Variants in RORA observed in about 807,000 individuals in gnomAD.
RORA encodes the protein nuclear receptor ROR-alpha.
A neutral mutation model predicts 69.5 loss-of-function variants in RORA; 7 were observed. That is an observed-to-expected ratio of 0.10 (90% CI 0.06 to 0.19). RORA has a LOEUF of 0.19. RORA is among the 10% of genes least tolerant of loss of function. The probability of loss-of-function intolerance (pLI) is 1.00; values close to 1 mark genes in which losing one functional copy is unlikely to be tolerated. For synonymous variants in RORA, 261 were observed against 240.8 expected (o/e 1.08, Z -0.78); for missense variants, 457 against 663.0 (o/e 0.69, Z 3.41).
chr15:61,157,849 A>T (rs1432636052), intron 1 of RORA, among the ~76,000 whole-genome samples: 1 of 152,238 alleles, frequency 6.6e-6, no homozygotes. Context: ...AAACAAACCC[A>T]GCATTGGGAT....
intron 1 of RORA, among the ~76,000 whole-genome samples, chr15:60,987,954 T>C (rs1004980767): frequency 6.6e-6 from 1 of 152,204 alleles, no homozygotes; most frequent in African/African-American, 2.4e-5. Context: ...TACTGATTGA[T>C]GGGCTGGATC....
chr15:60,894,311 G>C lies in RORA; in HGVS notation c.167-215625C>G, dbSNP rs994067786. On this transcript the variant is annotated intron_variant, in intron 1 of 10. Transcript: ENST00000335670. ...TTTAAAATGCAATATGTTAATGCTT[G>C]TCCAGAGTTTTGTACACTTTCGTGA... Among the ~76,000 whole-genome samples the C allele has an allele frequency of 3.9e-5, 6 of 152,334 alleles. No homozygotes were observed. The East Asian group carries it at 9.6e-4, about 24-fold the overall frequency.
intron 1 of RORA, among the ~76,000 whole-genome samples, chr15:60,920,586 G>A (rs957214371): frequency 6.6e-6 from 1 of 152,184 alleles, no homozygotes; most frequent in Non-Finnish European, 1.5e-5. Context: ...TATGACAGAT[G>A]TGGATTACCA....
At chr15:61,014,085 G>A (rs564294732) in intron 1 of RORA, among the ~76,000 whole-genome samples, 2 of 152,230 alleles carry the variant, frequency 1.3e-5, no homozygotes, top group South Asian at 2.1e-4. Context: ...ACCCGGCCGG[G>A]TTGGCTTTTT....
chr15:60,760,132 G>A (rs573907957), intron 1 of RORA, among the ~76,000 whole-genome samples: 13 of 150,868 alleles, frequency 8.6e-5, no homozygotes, highest in Non-Finnish European at 1.8e-4. Flanking sequence ...AGCTCTCTGA[G>A]CTTTAAAATA....
chr15:61,100,221 C>A (rs1316343176), intron 1 of RORA, among the ~76,000 whole-genome samples: 1 of 150,846 alleles, frequency 6.6e-6, no homozygotes, highest in Non-Finnish European at 1.5e-5. Flanking sequence ...CGGGTTCCAG[C>A]GATTCTCCTG....
chr15:61,092,836 T>C (rs1169170251), intron 1 of RORA, among the ~76,000 whole-genome samples: 1 of 152,230 alleles, frequency 6.6e-6, no homozygotes, highest in Non-Finnish European at 1.5e-5. Context: ...AGATATCATC[T>C]GAGGCTTTGA....
At chr15:60,909,925 A>T (rs1309869969) in intron 1 of RORA, among the ~76,000 whole-genome samples, 1 of 152,114 alleles carries the variant, frequency 6.6e-6, no homozygotes, top group African/African-American at 2.4e-5. Context: ...CTAACCCTTT[A>T]CCACGGAGGT....
chr15:60,737,321 A>G (rs902132974), intron 1 of RORA, among the ~76,000 whole-genome samples: 8 of 152,178 alleles, frequency 5.3e-5, no homozygotes, highest in African/African-American at 9.7e-5. Context: ...GACAATTCCT[A>G]TGTCTAAAAT....
At chr15:60,625,013 A>G (rs1372654060) in intron 2 of RORA, among the ~76,000 whole-genome samples, 1 of 152,220 alleles carries the variant, frequency 6.6e-6, no homozygotes, top group Non-Finnish European at 1.5e-5. Flanking sequence ...GGGCTTAGTG[A>G]AAACACTTGC....
chr15:60,983,965 G>A (rs967439674), intron 1 of RORA, among the ~76,000 whole-genome samples: 1 of 152,090 alleles, frequency 6.6e-6, no homozygotes, highest in African/African-American at 2.4e-5. Flanking sequence ...TAGAGAAGAG[G>A]CAGAATTCAT....
At chr15:60,666,160 A>T (rs28652652) in intron 2 of RORA, among the ~76,000 whole-genome samples, 2,046 of 135,510 alleles carry the variant, frequency 0.015, 25 homozygotes, top group Non-Finnish European at 0.023. Context: ...AAGGGATACA[A>T]AGATAATTTT....
At chr15:60,911,693 C>T (rs151049586) in intron 1 of RORA, among the ~76,000 whole-genome samples, 3 of 125,958 alleles carry the variant, frequency 2.4e-5, no homozygotes, top group East Asian at 2.6e-4. Flanking sequence ...TGTCAGGTAA[C>T]GGATTTTTGA....
intron 1 of RORA, among the ~76,000 whole-genome samples, chr15:60,948,772 C>G (rs140650717): frequency 6.6e-6 from 1 of 152,140 alleles, no homozygotes; most frequent in Non-Finnish European, 1.5e-5. Flanking sequence ...ATATAAGATA[C>G]GGTCCTATTC....
At chr15:60,796,440 A>G (rs577287182) in intron 1 of RORA, among the ~76,000 whole-genome samples, 2 of 152,344 alleles carry the variant, frequency 1.3e-5, no homozygotes, top group Admixed American at 6.5e-5. Context: ...TATTTGGGAA[A>G]ACAAATTACT....
intron 1 of RORA, among the ~76,000 whole-genome samples, chr15:60,876,323 G>T (rs936093222): frequency 1.3e-5 from 2 of 149,304 alleles, no homozygotes; most frequent in Non-Finnish European, 3.0e-5. Context: ...GGGGGGGGGG[G>T]GGGCGGCTAG....
intron 1 of RORA, among the ~76,000 whole-genome samples, chr15:60,977,967 T>C (rs1893925205): frequency 6.6e-6 from 1 of 152,210 alleles, no homozygotes; most frequent in African/African-American, 2.4e-5. Context: ...AATTCTTGGA[T>C]ATATACCTAG....
rs189742610 is a variant in RORA at position 60,833,162 on chromosome 15, T to C, written c.167-154476A>G. On this transcript the variant is annotated intron_variant, in intron 1 of 10. Coordinates refer to ENST00000335670, the MANE Select transcript of RORA (RefSeq NM_134261.3). ...CTCATGATCCGCCCGCCTCGGCCTC[T>C]CAAAATGCTGGGATTACAGGCATGA... 4.0e-5 allele frequency among the ~76,000 whole-genome samples: 6 copies of C among 151,744 alleles called. No homozygotes were observed. In the East Asian group the frequency reaches 5.8e-4, roughly 15 times the overall value.
chr15:60,954,937 A>G (rs1446102348), intron 1 of RORA, among the ~76,000 whole-genome samples: 1 of 152,178 alleles, frequency 6.6e-6, no homozygotes, highest in Non-Finnish European at 1.5e-5. Context: ...TTACTGAGGA[A>G]AACTGGGCAT....
Sources: allele counts gnomAD v4.1 joint callset (sites outside exome capture counted in the v4.1 genomes callset), GRCh38; gene constraint gnomAD v4.1.1; transcripts MANE v1.5; gene names NCBI Gene and HGNC (gene_info 2026-07-23, HGNC 2026-07-21).